Variants in MDFIC2 observed in about 807,000 individuals in gnomAD.
The protein encoded by MDFIC2 is myoD family inhibitor domain-containing protein 2.
At chr3:70,295,928 A>G (rs953744931) in intron 2 of MDFIC2, among the ~76,000 whole-genome samples, 8 of 152,178 alleles carry the variant, frequency 5.3e-5, no homozygotes, top group Non-Finnish European at 8.8e-5. Context: ...CCTTCATGAA[A>G]ACAATAAAGC....
At chr3:70,289,128 T>C (rs1702200232) in intron 2 of MDFIC2, among the ~76,000 whole-genome samples, 1 of 151,840 alleles carries the variant, frequency 6.6e-6, no homozygotes, top group South Asian at 2.1e-4. Flanking sequence ...ATTTTGCTCG[T>C]TAGTTGATGC....
rs1701162651 is a variant in MDFIC2 at position 70,195,073 on chromosome 3, C to T, written c.*1853G>A. 6.6e-6 allele frequency among the ~76,000 whole-genome samples: 1 copy of T among 152,132 alleles called. No homozygotes were observed. Among genetic ancestry groups the T allele is most frequent in the Non-Finnish European group, 1.5e-5 (1 of 68,028 alleles). On this transcript the variant is annotated 3_prime_UTR_variant, in exon 4 of 4. Transcript: ENST00000567252. ...GTGCAGGTAGTCAGAAAATTAGAAC[C>T]CAAGTTAGAGTTCCTGACACTGCCA...
intron 2 of MDFIC2, among the ~76,000 whole-genome samples, chr3:70,267,148 A>G (rs1317897315): frequency 6.6e-6 from 1 of 152,144 alleles, no homozygotes; most frequent in African/African-American, 2.4e-5. Flanking sequence ...TTCTATTTTT[A>G]TAAATTTTCT....
chr3:70,282,557 C>T (rs1702098276), intron 2 of MDFIC2, among the ~76,000 whole-genome samples: 1 of 152,130 alleles, frequency 6.6e-6, no homozygotes, highest in Admixed American at 6.5e-5. Context: ...TTTGAACATT[C>T]CAAGCAGTCT....
chr3:70,205,524 A>C (rs1412979227), intron 3 of MDFIC2: 1 of 152,132 alleles, frequency 6.6e-6, no homozygotes, highest in African/African-American at 2.4e-5. Flanking sequence ...TCTGTGTACC[A>C]ACTTTTGTAC....
At chr3:70,255,547 A>T (rs2106656144) in intron 2 of MDFIC2, among the ~76,000 whole-genome samples, 1 of 152,172 alleles carries the variant, frequency 6.6e-6, no homozygotes, top group East Asian at 1.9e-4. Flanking sequence ...TCAGTCCTGC[A>T]GCCTCAGTCC....
At position 70,295,011 on chromosome 3, in the gene MDFIC2, G is replaced by A. The variant is rs1215967908; in HGVS notation, c.88+16875C>T. On this transcript the variant is annotated intron_variant, in intron 2 of 3. Coordinates refer to ENST00000567252, the MANE Select transcript of MDFIC2 (RefSeq NM_001364677.1). ...AAGCCCCTAGCAGATGGGTTCTCATGTCTCATTGTCCAAAATTATTTGTTG... is the reference window on the plus strand; with the variant it reads ...AAGCCCCTAGCAGATGGGTTCTCATATCTCATTGTCCAAAATTATTTGTTG... Among the ~76,000 whole-genome samples, 6 of 152,272 alleles carry A rather than the reference G, an allele frequency of 3.9e-5. No homozygotes were observed. In the South Asian group the frequency reaches 8.3e-4, roughly 21 times the overall value.
intron 2 of MDFIC2, among the ~76,000 whole-genome samples, chr3:70,259,521 T>C (rs1318963299): frequency 6.6e-6 from 1 of 152,188 alleles, no homozygotes; most frequent in Non-Finnish European, 1.5e-5. Flanking sequence ...TATTCATGGC[T>C]GTTTCAGAAA....
intron 2 of MDFIC2, among the ~76,000 whole-genome samples, chr3:70,290,301 C>A (rs930301783): frequency 6.6e-6 from 1 of 151,992 alleles, no homozygotes; most frequent in Non-Finnish European, 1.5e-5. Flanking sequence ...AGCTGCAGGT[C>A]TGTTGGAGTA....
At chr3:70,297,878 G>C (rs1340783682) in intron 2 of MDFIC2, among the ~76,000 whole-genome samples, 1 of 152,096 alleles carries the variant, frequency 6.6e-6, no homozygotes. Flanking sequence ...AAGTACAGTT[G>C]ATGCATAATG....
At chr3:70,276,195 T>C (rs1242574724) in intron 2 of MDFIC2, among the ~76,000 whole-genome samples, 3 of 152,186 alleles carry the variant, frequency 2.0e-5, no homozygotes, top group Non-Finnish European at 4.4e-5. Context: ...GTTCAATAAA[T>C]ATTTGTTCAG....
rs547188162 is a variant in MDFIC2 at position 70,284,871 on chromosome 3, C to T, written c.88+27015G>A. ...GACACAAGTTTACCTATGTAACAAACCTGCACATGTACCCCTGAACTGAAA... is the reference window on the plus strand; with the variant it reads ...GACACAAGTTTACCTATGTAACAAATCTGCACATGTACCCCTGAACTGAAA... On this transcript the variant is annotated intron_variant, in intron 2 of 3. Coordinates refer to ENST00000567252, the MANE Select transcript of MDFIC2 (RefSeq NM_001364677.1). 5.3e-5 allele frequency among the ~76,000 whole-genome samples: 8 copies of T among 152,120 alleles called. No homozygotes were observed. In the South Asian group the frequency reaches 1.7e-3, roughly 32 times the overall value.
At chr3:70,246,213 A>G (rs1701707342) in intron 2 of MDFIC2, among the ~76,000 whole-genome samples, 1 of 151,966 alleles carries the variant, frequency 6.6e-6, no homozygotes, top group Admixed American at 6.6e-5. Context: ...CACCATTTTT[A>G]ATTTTTGATA....
intron 2 of MDFIC2, among the ~76,000 whole-genome samples, chr3:70,223,848 A>G (rs557554657): frequency 2.0e-5 from 3 of 152,188 alleles, no homozygotes; most frequent in African/African-American, 7.2e-5. Flanking sequence ...GCACCCTTTT[A>G]GACTTAATCT....
At chr3:70,197,640 C>T (rs560566947) in intron 3 of MDFIC2, among the ~76,000 whole-genome samples, 4 of 152,276 alleles carry the variant, frequency 2.6e-5, no homozygotes, top group Non-Finnish European at 4.4e-5. Context: ...TGTTATTTTT[C>T]GACATGGATT....
intron 3 of MDFIC2, among the ~76,000 whole-genome samples, chr3:70,202,617 G>A (rs1701250931): frequency 6.6e-6 from 1 of 152,108 alleles, no homozygotes; most frequent in South Asian, 2.1e-4. Flanking sequence ...AATTAAAGAA[G>A]GTTTAAGATG....
chr3:70,308,372 A>G (rs1472249437), intron 2 of MDFIC2, among the ~76,000 whole-genome samples: 2 of 152,218 alleles, frequency 1.3e-5, no homozygotes, highest in East Asian at 3.9e-4. Context: ...GCATATTTTT[A>G]AATCATGCCT....
At chr3:70,244,829 T>C (rs934978726) in intron 2 of MDFIC2, among the ~76,000 whole-genome samples, 5 of 152,248 alleles carry the variant, frequency 3.3e-5, no homozygotes, top group African/African-American at 1.2e-4. Context: ...CCTCTCACAT[T>C]CCTATGTGCT....
At chr3:70,227,445 A>G (rs1701518313) in intron 2 of MDFIC2, among the ~76,000 whole-genome samples, 1 of 152,214 alleles carries the variant, frequency 6.6e-6, no homozygotes, top group African/African-American at 2.4e-5. Context: ...CTTTGGCAGG[A>G]AAAACAGACC....
Sources: allele counts gnomAD v4.1 joint callset (sites outside exome capture counted in the v4.1 genomes callset), GRCh38; gene constraint gnomAD v4.1.1; transcripts MANE v1.5; gene names NCBI Gene and HGNC (gene_info 2026-07-23, HGNC 2026-07-21).